SAMD7: variants seen among roughly 807,000 people sequenced by gnomAD.
SAMD7 encodes the protein sterile alpha motif domain containing 7.
Under a neutral mutation model 36.7 loss-of-function variants are expected in SAMD7, and 34 were observed. The observed-to-expected ratio is 0.93, with a 90% CI of 0.71 to 1.23. SAMD7 has a LOEUF of 1.23. Ranked by LOEUF, SAMD7 falls within the 50% of genes most tolerant of loss-of-function variation. SAMD7 has a pLI of 0.00. For missense variants in SAMD7, 570 were observed against 546.6 expected, an observed-to-expected ratio of 1.04 and a Z score of -0.43; for synonymous variants, 188 against 189.7, an observed-to-expected ratio of 0.99 and a Z score of 0.07.
intron 4 of SAMD7, 96 bp from the exon 5 acceptor site, chr3:169,924,962 C>A: frequency 3.3e-5 from 21 of 635,354 alleles, no homozygotes; most frequent in Non-Finnish European, 4.0e-5. Context: ...TTTTTTTTTT[C>A]AGATACTGTT....
chr3:169,924,964 G>T, intron 4 of SAMD7, 94 bp from the exon 5 acceptor site: 6 of 719,538 alleles, frequency 8.3e-6, no homozygotes, highest in Non-Finnish European at 1.1e-5. Context: ...TTTTTTTTCA[G>T]ATACTGTTTT....
intron 1 of SAMD7, among the ~76,000 whole-genome samples, chr3:169,913,141 T>A (rs1033855835): frequency 2.6e-5 from 4 of 152,238 alleles, no homozygotes; most frequent in African/African-American, 9.6e-5. Context: ...TGGAAACATT[T>A]AATTCTACTG....
chr3:169,929,949 C>G (rs1713422291), intron 7 of SAMD7, among the ~76,000 whole-genome samples: 1 of 152,184 alleles, frequency 6.6e-6, no homozygotes, highest in African/African-American at 2.4e-5. Context: ...ATCTATACCA[C>G]TTCAAGTGCC....
chr3:169,938,988 G>A lies in SAMD7; in HGVS notation c.*482G>A, dbSNP rs561861750. 2.0e-5 allele frequency: 3 copies of A among 152,038 alleles called. No homozygotes were observed. The South Asian group carries it at 6.3e-4, about 32-fold the overall frequency. The allele number at this position is 152,038 out of a possible 1,614,324, so 9.4% of individuals were successfully genotyped here. On this transcript the variant is annotated 3_prime_UTR_variant, in exon 9 of 9. Transcript: ENST00000335556. ...TCTCATTCCAGATTTCCAGCGTGAAGCAGGCCCAAGCTAGGGAAGGTGAGA... is the reference window on the plus strand; with the variant it reads ...TCTCATTCCAGATTTCCAGCGTGAAACAGGCCCAAGCTAGGGAAGGTGAGA...
rs1281574483 is a variant in SAMD7, at chr3:169,919,546, A to G, written c.48A>G (p.Pro16=). ...CACCAACAGGGCAGCAGACAATCCC[A>G]CTGATCCCCTCACCATTTGGGCCTC... The part of the protein sequence containing the change: ...LLTPTGQQTI[P]LIPSPFGPPT... The change falls in exon 3 of 9, where the codon CCA becomes CCG. Residue 16 remains proline, a synonymous_variant. Transcript: ENST00000335556. 2 of 1,614,198 alleles carry G rather than the reference A, an allele frequency of 1.2e-6. No individual in the cohort carries two copies. The highest frequency in any genetic ancestry group is 3.3e-5 in the Admixed American group (2 of 60,024).
Position 169,926,491 on chromosome 3 carries a change from C to T in SAMD7, c.291-62C>T, listed in dbSNP as rs983200118. On this transcript the variant is annotated intron_variant, in intron 5 of 8. Coordinates refer to ENST00000335556, the MANE Select transcript of SAMD7 (RefSeq NM_001304366.2). ...GACTATTTTAGGGAAGACAAGGGGT[C>T]ATTAAAATTACATTTATAGTGGTTT... 6.8e-6 allele frequency: 10 copies of T among 1,469,020 alleles called. No homozygotes were observed. In the African/African-American group the frequency reaches 1.3e-4, roughly 19 times the overall value. 91.0% of individuals were successfully genotyped at this position (1,469,020 alleles called of 1,614,324 possible). A position where few individuals can be genotyped will look rare whatever the true frequency, so the allele number is the denominator to read the frequency against.
At chr3:169,931,043 G>GA (rs957500722) in intron 7 of SAMD7, among the ~76,000 whole-genome samples, 22 of 151,852 alleles carry the variant, frequency 1.4e-4, no homozygotes, top group Non-Finnish European at 2.9e-4. Context: ...AAATTCAGCA[G>GA]AAAAAAAATA....
rs61311120 is a variant in SAMD7 at position 169,917,625 on chromosome 3, GTTTATTTA to G, written c.-41-1809_-41-1802del. Among the ~76,000 whole-genome samples the G allele has an allele frequency of 2.1e-4, 30 of 146,120 alleles. 1 individual carries two copies. The Middle Eastern group carries it at 0.011, about 51-fold the overall frequency. ...TAGTTATTTTTATTTTTATTTGTTT[GTTTATTTA>G]TTTATTTATTTATTTATTTATTTTT... On this transcript the variant is annotated intron_variant, in intron 2 of 8. Coordinates refer to ENST00000335556, the MANE Select transcript of SAMD7 (RefSeq NM_001304366.2).
At chr3:169,925,158 A>T in intron 5 of SAMD7, 22 bp downstream of exon 5, 1 of 1,523,160 alleles carries the variant, frequency 6.6e-7, no homozygotes. Context: ...ATGTTGTTTT[A>T]TTTATTCTCT....
chr3:169,920,004 C>G (rs1031142940), intron 3 of SAMD7, among the ~76,000 whole-genome samples: 1 of 152,150 alleles, frequency 6.6e-6, no homozygotes, highest in Non-Finnish European at 1.5e-5. Flanking sequence ...GAAACCCCAT[C>G]TCTACTAAAA....
chr3:169,912,068 G>GT (rs1227841483), intron 1 of SAMD7, among the ~76,000 whole-genome samples: 2 of 152,154 alleles, frequency 1.3e-5, no homozygotes, highest in Non-Finnish European at 2.9e-5. Flanking sequence ...AGTTTTTGGA[G>GT]TTTTTTAAGT....
At chr3:169,927,244 C>CAGTTTAT in intron 6 of SAMD7, 63 bp downstream of exon 6, 1 of 792,366 alleles carries the variant, frequency 1.3e-6, no homozygotes, top group Non-Finnish European at 1.9e-6. Context: ...CCGTAGGTTA[C>CAGTTTAT]TACATAATAA....
At chr3:169,921,118 C>A in intron 3 of SAMD7, 96 bp from the exon 4 acceptor site, 1 of 1,080,854 alleles carries the variant, frequency 9.3e-7, no homozygotes, top group South Asian at 1.4e-5. Context: ...TGATAGAATC[C>A]CATATGGCAA....
intron 7 of SAMD7, chr3:169,932,547 T>C (rs899446194): frequency 3.7e-6 from 2 of 538,702 alleles, no homozygotes; most frequent in African/African-American, 3.8e-5. Flanking sequence ...CCTGTTACCA[T>C]GGAGCAGCTG....
chr3:169,934,245 G>A (rs1713627779), intron 7 of SAMD7, among the ~76,000 whole-genome samples: 1 of 152,142 alleles, frequency 6.6e-6, no homozygotes, highest in Non-Finnish European at 1.5e-5. Flanking sequence ...AAAATAAGTT[G>A]AAGAGGACAA....
rs1559951701 is a variant in SAMD7 at position 169,926,853 on chromosome 3, T to G, written c.591T>G (p.Asp197Glu). 6 of 1,613,824 alleles carry G rather than the reference T, an allele frequency of 3.7e-6. No homozygotes were observed. Among genetic ancestry groups the G allele is most frequent in the Non-Finnish European group, 5.1e-6 (6 of 1,179,936 alleles). Residue 197 changes from aspartate (D) to glutamate (E), a missense_variant, in exon 6 of 9, where the codon GAT (aspartate) becomes GAG (glutamate). By Grantham distance (45) the Asp-to-Glu change is conservative (BLOSUM62 2). Transcript: ENST00000335556. ...GGAATCAAAAAGCTCTAGACAGTGATGCTGAGAGTTCCAAAAGTCAAGCAG... is the reference window on the plus strand; with the variant it reads ...GGAATCAAAAAGCTCTAGACAGTGAGGCTGAGAGTTCCAAAAGTCAAGCAG... ...NTGNQKALDS[D>E]AESSKSQAEE...
chr3:169,938,787 T>G lies in SAMD7; in HGVS notation c.*281T>G, dbSNP rs1415402582. 1 of 289,816 alleles carries G rather than the reference T, an allele frequency of 3.5e-6. No homozygotes were observed. Among genetic ancestry groups the G allele is most frequent in the Non-Finnish European group, 6.3e-6 (1 of 158,420 alleles). The allele number at this position is 289,816 out of a possible 1,614,324, so 18.0% of individuals were successfully genotyped here. On this transcript the variant is annotated 3_prime_UTR_variant, in exon 9 of 9. Coordinates refer to ENST00000335556, the MANE Select transcript of SAMD7 (RefSeq NM_001304366.2). ...AGATGGATGTTTCCATGAAGAAATC[T>G]CTGAAGAAACCAAAAGAGCTGAAAC...
intron 3 of SAMD7, among the ~76,000 whole-genome samples, chr3:169,920,777 C>G (rs1454201006): frequency 2.0e-5 from 3 of 152,094 alleles, no homozygotes; most frequent in African/African-American, 7.2e-5. Flanking sequence ...TAAAGTGGAA[C>G]TTCTAGAGAC....
chr3:169,914,163 G>A (rs969516080), intron 1 of SAMD7, among the ~76,000 whole-genome samples: 8 of 152,202 alleles, frequency 5.3e-5, no homozygotes, highest in African/African-American at 1.9e-4. Flanking sequence ...ACACTCTGAT[G>A]CAGGATGTTG....
Sources: allele counts gnomAD v4.1 joint callset (sites outside exome capture counted in the v4.1 genomes callset), GRCh38; gene constraint gnomAD v4.1.1; transcripts MANE v1.5; gene names NCBI Gene and HGNC (gene_info 2026-07-23, HGNC 2026-07-21).